The following GRID2 variants were observed in gnomAD, a reference collection of about 807,000 sequenced individuals.
GRID2 encodes glutamate receptor ionotropic, delta-2.
GRID2 carries 33 observed loss-of-function variants against 114.8 expected under a neutral mutation model. The ratio of observed to expected loss-of-function variants is 0.29; its 90% CI spans 0.22 to 0.38. The LOEUF is 0.38. Ranked by LOEUF, GRID2 falls within the 10% of genes least tolerant of loss-of-function variation. The probability of loss-of-function intolerance (pLI) is 1.00; values close to 1 mark genes in which losing one functional copy is unlikely to be tolerated. For missense variants in GRID2, 1,184 were observed against 1,257.7 expected (o/e 0.94, Z 0.89); for synonymous variants, 505 against 449.9 (o/e 1.12, Z -1.55).
intron 13 of GRID2, among the ~76,000 whole-genome samples, chr4:93,595,485 G>A (rs13127564): frequency 0.19 from 28,883 of 152,034 alleles, 3,202 homozygotes; most frequent in Middle Eastern, 0.32. Flanking sequence ...TTTGTAAAAT[G>A]GGAATAATAC....
At chr4:92,553,889 A>G (rs1015418230) in intron 1 of GRID2, among the ~76,000 whole-genome samples, 2 of 152,130 alleles carry the variant, frequency 1.3e-5, no homozygotes, top group Admixed American at 1.3e-4. Flanking sequence ...TGACCTCATG[A>G]TCCACCTGCC....
intron 1 of GRID2, among the ~76,000 whole-genome samples, chr4:92,435,854 A>T (rs188585588): frequency 6.6e-6 from 1 of 152,288 alleles, no homozygotes; most frequent in Admixed American, 6.5e-5. Flanking sequence ...ATTTGTCAGG[A>T]ATATTGCATA....
chr4:93,217,756 A>G (rs1676321751), intron 6 of GRID2, among the ~76,000 whole-genome samples: 1 of 152,068 alleles, frequency 6.6e-6, no homozygotes, highest in Non-Finnish European at 1.5e-5. Context: ...CTGTGCCATA[A>G]AACAACTCCT....
At chr4:93,526,111 C>T (rs1348355972) in intron 13 of GRID2, among the ~76,000 whole-genome samples, 1 of 152,130 alleles carries the variant, frequency 6.6e-6, no homozygotes, top group Admixed American at 6.6e-5. Flanking sequence ...TTGTAATCCC[C>T]ATGTGTCAGG....
At chr4:92,713,476 C>CATATATATATATAT (rs10593127) in intron 2 of GRID2, among the ~76,000 whole-genome samples, 29 of 54,046 alleles carry the variant, frequency 5.4e-4, no homozygotes, top group Non-Finnish European at 6.8e-4. Context: ...TATACATATA[C>CATATATATATATAT]ATATATATAT....
chr4:92,648,146 C>T (rs954758838), intron 2 of GRID2, among the ~76,000 whole-genome samples: 2 of 149,692 alleles, frequency 1.3e-5, no homozygotes, highest in East Asian at 1.9e-4. Context: ...GCATTCAGTG[C>T]CTTGATTCAA....
chr4:93,302,564 G>GA, intron 8 of GRID2: 1 of 456,040 alleles, frequency 2.2e-6, no homozygotes, highest in Non-Finnish European at 4.4e-6. Flanking sequence ...ACGCACAACT[G>GA]AAAAATTTGG....
chr4:93,508,277 A>G (rs1728843817), intron 12 of GRID2, among the ~76,000 whole-genome samples: 2 of 149,678 alleles, frequency 1.3e-5, no homozygotes, highest in African/African-American at 2.5e-5. Context: ...GGCTCACTGC[A>G]ACCTCTGCCT....
chr4:93,406,691 G>A (rs1026265205), intron 9 of GRID2, among the ~76,000 whole-genome samples: 1 of 152,074 alleles, frequency 6.6e-6, no homozygotes, highest in Non-Finnish European at 1.5e-5. Flanking sequence ...TGTAGTGATC[G>A]ATAGAAATTT....
intron 2 of GRID2, among the ~76,000 whole-genome samples, chr4:92,961,552 A>G (rs1250802042): frequency 6.6e-6 from 1 of 151,470 alleles, no homozygotes; most frequent in Non-Finnish European, 1.5e-5. Context: ...ATTTTATCTT[A>G]GTGAGTGCTT....
At chr4:92,616,269 A>ATTT (rs34532719) in intron 2 of GRID2, among the ~76,000 whole-genome samples, 2 of 149,890 alleles carry the variant, frequency 1.3e-5, no homozygotes, top group African/African-American at 4.9e-5. Flanking sequence ...TGGTTGACAG[A>ATTT]TTTTTTTTTT....
intron 13 of GRID2, among the ~76,000 whole-genome samples, chr4:93,537,868 C>T (rs1358769216): frequency 6.6e-6 from 1 of 151,508 alleles, no homozygotes; most frequent in African/African-American, 2.4e-5. Context: ...TCATTTTTTC[C>T]TTTTGTTATA....
chr4:92,783,732 A>C (rs1203987230), intron 2 of GRID2, among the ~76,000 whole-genome samples: 3 of 151,956 alleles, frequency 2.0e-5, no homozygotes, highest in Non-Finnish European at 4.4e-5. Flanking sequence ...AAAACAAACA[A>C]AAAATTAGCC....
At chr4:93,397,964 T>C (rs1765497608) in intron 9 of GRID2, among the ~76,000 whole-genome samples, 1 of 151,416 alleles carries the variant, frequency 6.6e-6, no homozygotes, top group Non-Finnish European at 1.5e-5. Context: ...GCAGAACCTG[T>C]GGATATGGAG....
intron 2 of GRID2, among the ~76,000 whole-genome samples, chr4:92,988,519 G>A (rs1454715584): frequency 6.6e-6 from 1 of 152,082 alleles, no homozygotes; most frequent in African/African-American, 2.4e-5. Context: ...TTAGAAACAG[G>A]TCACTAGATC....
chr4:92,991,569 A>G lies in GRID2; in HGVS notation c.245-93426A>G, dbSNP rs1467604558. Among the ~76,000 whole-genome samples the G allele has an allele frequency of 3.9e-5, 6 of 152,238 alleles. No individual in the cohort carries two copies. The East Asian group carries it at 1.2e-3, about 29-fold the overall frequency. On this transcript the variant is annotated intron_variant, in intron 2 of 15. Transcript: ENST00000282020. ...TCTCAAGTTGGTTTTATTTATAAGC[A>G]GTAAACAAAGTTAAAGAATGTTGCT... is the stretch of plus-strand genomic sequence containing the variant.
intron 11 of GRID2, among the ~76,000 whole-genome samples, chr4:93,486,181 T>C (rs1056846996): frequency 4.0e-5 from 6 of 151,716 alleles, no homozygotes; most frequent in African/African-American, 1.4e-4. Context: ...ATAAATAAAA[T>C]CTTTTTTTGA....
At chr4:92,629,555 CTTTCTGTCAGACACAATTTCTT>C (rs887144086) in intron 2 of GRID2, among the ~76,000 whole-genome samples, 10 of 152,096 alleles carry the variant, frequency 6.6e-5, no homozygotes, top group African/African-American at 2.4e-4. Flanking sequence ...TAACATGCTT[CTTTCTGTCAGACACAATTTCTT>C]TTCCTCAAAT....
intron 8 of GRID2, among the ~76,000 whole-genome samples, chr4:93,371,737 A>ATT (rs1762933018): frequency 3.8e-5 from 4 of 106,148 alleles, no homozygotes; most frequent in African/African-American, 1.2e-4. Flanking sequence ...CATAATCACT[A>ATT]TTTCTTTTTT....
Sources: gnomAD v4.1 joint callset for allele counts (sites outside exome capture counted in the v4.1 genomes callset) on GRCh38, gnomAD v4.1.1 for gene constraint, MANE v1.5 for transcripts, NCBI Gene and HGNC (gene_info 2026-07-23, HGNC 2026-07-21) for gene names.